MACROD2: variants seen among roughly 807,000 people sequenced by gnomAD.
MACROD2 encodes the protein ADP-ribose glycohydrolase MACROD2.
Under a neutral mutation model 70.4 loss-of-function variants are expected in MACROD2, and 36 were observed. The observed-to-expected ratio is 0.51, with a 90% CI of 0.39 to 0.68. MACROD2 has a LOEUF of 0.68. MACROD2 is among the 30% of genes least tolerant of loss of function. The pLI, the probability that MACROD2 is intolerant of heterozygous loss-of-function variation, is 0.00. For synonymous variants in MACROD2, 172 were observed against 178.8 expected, an observed-to-expected ratio of 0.96 and a Z score of 0.30; for missense variants, 496 against 538.4, an observed-to-expected ratio of 0.92 and a Z score of 0.78.
At chr20:14,756,890 G>A (rs1056213444) in intron 5 of MACROD2, among the ~76,000 whole-genome samples, 1 of 151,994 alleles carries the variant, frequency 6.6e-6, no homozygotes, top group Admixed American at 6.6e-5. Context: ...GGATCTGACG[G>A]TCTTATAAGG....
intron 6 of MACROD2, among the ~76,000 whole-genome samples, chr20:15,362,440 T>C (rs2078363720): frequency 6.6e-6 from 1 of 151,660 alleles, no homozygotes; most frequent in African/African-American, 2.4e-5. Flanking sequence ...TTTTTATAGG[T>C]ATACTGTATT....
chr20:15,836,668 A>C (rs2064117404), intron 8 of MACROD2, among the ~76,000 whole-genome samples: 1 of 152,196 alleles, frequency 6.6e-6, no homozygotes, highest in Admixed American at 6.6e-5. Flanking sequence ...AGCATAAATG[A>C]TGTATTGAAA....
At chr20:14,596,515 T>C (rs1982157178) in intron 4 of MACROD2, among the ~76,000 whole-genome samples, 1 of 151,652 alleles carries the variant, frequency 6.6e-6, no homozygotes, top group African/African-American at 2.4e-5. Flanking sequence ...TTTTTTTCTG[T>C]CAATTACTCA....
At chr20:14,131,836 T>C (rs1357617540) in intron 3 of MACROD2, among the ~76,000 whole-genome samples, 1 of 151,852 alleles carries the variant, frequency 6.6e-6, no homozygotes, top group Non-Finnish European at 1.5e-5. Context: ...TCTCTTACGG[T>C]TTAAGAGATT....
At chr20:15,853,895 G>A (rs6110797) in intron 8 of MACROD2, among the ~76,000 whole-genome samples, 2 of 152,148 alleles carry the variant, frequency 1.3e-5, no homozygotes, top group African/African-American at 2.4e-5. Context: ...CCATTTTAGA[G>A]ATGAGCAGAC....
At chr20:16,039,206 C>G (rs2067275045) in intron 15 of MACROD2, among the ~76,000 whole-genome samples, 1 of 151,976 alleles carries the variant, frequency 6.6e-6, no homozygotes, top group Non-Finnish European at 1.5e-5. Context: ...TTCAGTGTTT[C>G]TAGCTGTTCT....
intron 8 of MACROD2, 30 bp from the exon 9 acceptor site, chr20:15,862,715 C>A (rs1287808399): frequency 1.9e-6 from 3 of 1,566,732 alleles, no homozygotes; most frequent in African/African-American, 1.4e-5. Context: ...TATTTTTTTT[C>A]ACTTTGAGTG....
chr20:15,269,568 G>A (rs529025635), intron 6 of MACROD2, among the ~76,000 whole-genome samples: 174 of 152,216 alleles, frequency 1.1e-3, no homozygotes, highest in Non-Finnish European at 1.6e-3. Flanking sequence ...TGAATAGTCA[G>A]TGAAAAGATT....
chr20:15,492,496 C>G (rs548803206), intron 7 of MACROD2, among the ~76,000 whole-genome samples: 17 of 152,210 alleles, frequency 1.1e-4, no homozygotes, highest in African/African-American at 3.4e-4. Context: ...GTTTGATTTC[C>G]TGTGATCCCC....
chr20:15,800,950 T>C (rs6135537), intron 8 of MACROD2, among the ~76,000 whole-genome samples: 9,599 of 148,978 alleles, frequency 0.064, 724 homozygotes, highest in East Asian at 0.27. Flanking sequence ...GGATTAAGGG[T>C]GGTGCAAGAT....
At chr20:14,151,252 G>A (rs1412934944) in intron 3 of MACROD2, among the ~76,000 whole-genome samples, 1 of 28,068 alleles carries the variant, frequency 3.6e-5, no homozygotes, top group Admixed American at 5.3e-4. Context: ...ATGATGTTCT[G>A]CCTAGTGTAG....
At chr20:15,548,022 A>G (rs1452559656) in intron 8 of MACROD2, among the ~76,000 whole-genome samples, 1 of 152,128 alleles carries the variant, frequency 6.6e-6, no homozygotes, top group Non-Finnish European at 1.5e-5. Context: ...GATTCATCCA[A>G]ATAACCCTTC....
intron 5 of MACROD2, among the ~76,000 whole-genome samples, chr20:14,863,540 G>A (rs1490380479): frequency 2.0e-5 from 3 of 152,056 alleles, no homozygotes; most frequent in Non-Finnish European, 4.4e-5. Context: ...TATTGAACAG[G>A]AAGTGAAAGT....
At chr20:14,180,806 T>C (rs906307255) in intron 3 of MACROD2, among the ~76,000 whole-genome samples, 6 of 152,126 alleles carry the variant, frequency 3.9e-5, no homozygotes, top group Non-Finnish European at 7.4e-5. Context: ...AGTAAATTGC[T>C]CAAATATTAG....
intron 3 of MACROD2, among the ~76,000 whole-genome samples, chr20:14,131,595 C>G (rs1307062413): frequency 2.6e-5 from 4 of 152,176 alleles, no homozygotes; most frequent in African/African-American, 4.8e-5. Flanking sequence ...TTTGATTATT[C>G]ACACTAATGG....
intron 5 of MACROD2, among the ~76,000 whole-genome samples, chr20:14,864,521 C>G (rs1324336279): frequency 1.3e-5 from 2 of 152,068 alleles, no homozygotes; most frequent in Non-Finnish European, 2.9e-5. Context: ...GGCAAATCTA[C>G]TATTAAATTT....
chr20:15,293,313 A>G (rs1469954905), intron 6 of MACROD2, among the ~76,000 whole-genome samples: 2 of 152,238 alleles, frequency 1.3e-5, no homozygotes, highest in Non-Finnish European at 2.9e-5. Flanking sequence ...ATTATAACAC[A>G]CTGCCATATC....
intron 3 of MACROD2, among the ~76,000 whole-genome samples, chr20:14,229,003 AAAG>A (rs1259297008): frequency 6.6e-6 from 1 of 151,302 alleles, no homozygotes; most frequent in African/African-American, 2.4e-5. Flanking sequence ...AAAAAAAAAA[AAAG>A]AAAAGAAAAA....
chr20:15,189,592 G>C (rs957676728), intron 5 of MACROD2, among the ~76,000 whole-genome samples: 5 of 152,280 alleles, frequency 3.3e-5, no homozygotes, highest in Admixed American at 1.3e-4. Context: ...CTTTAAGCTA[G>C]TGTGTCCCTC....
Sources: gnomAD v4.1 joint callset for allele counts (sites outside exome capture counted in the v4.1 genomes callset) on GRCh38, gnomAD v4.1.1 for gene constraint, MANE v1.5 for transcripts, NCBI Gene and HGNC (gene_info 2026-07-23, HGNC 2026-07-21) for gene names.